The following TRAK1 variants were observed in gnomAD, a reference collection of about 807,000 sequenced individuals.
TRAK1 encodes trafficking kinesin protein 1.
In TRAK1, 33 loss-of-function variants were observed where a neutral mutation model predicts 92.1. The observed-to-expected ratio is 0.36, with a 90% CI of 0.27 to 0.48. TRAK1 has a LOEUF of 0.48. Ranked by LOEUF, TRAK1 falls within the 20% of genes least tolerant of loss-of-function variation. The pLI is 0.99. For synonymous variants in TRAK1, 521 were observed against 517.3 expected (o/e 1.01, Z -0.10); for missense variants, 1,123 against 1,257.9 (o/e 0.89, Z 1.62).
chr3:42,049,968 T>C (rs1702915131), intron 1 of TRAK1, among the ~76,000 whole-genome samples: 1 of 152,150 alleles, frequency 6.6e-6, no homozygotes, highest in Non-Finnish European at 1.5e-5. Flanking sequence ...TTGTCCTCAT[T>C]TGAGGGAGCT....
At chr3:42,205,440 C>G (rs1010377619) in intron 13 of TRAK1, among the ~76,000 whole-genome samples, 1 of 152,142 alleles carries the variant, frequency 6.6e-6, no homozygotes, top group Non-Finnish European at 1.5e-5. Context: ...TTGCCATCTG[C>G]TTATTGTGAA....
At chr3:42,197,029 C>T (rs550750329) in intron 10 of TRAK1, among the ~76,000 whole-genome samples, 1 of 147,492 alleles carries the variant, frequency 6.8e-6, no homozygotes, top group East Asian at 1.9e-4. Flanking sequence ...CACACACACA[C>T]ACACACACAC....
chr3:42,194,731 C>T, intron 9 of TRAK1, 73 bp from the exon 10 acceptor site: 1 of 1,554,582 alleles, frequency 6.4e-7, no homozygotes, highest in Non-Finnish European at 8.7e-7. Context: ...TCTTTCTGGC[C>T]TTCGGATGGG....
rs965143954 is a variant in TRAK1, at chr3:42,212,066, C to G, written c.1963+2081C>G. On this transcript the variant is annotated intron_variant, in intron 14 of 15. Transcript: ENST00000327628. The stretch of plus-strand genomic sequence containing the variant: ...GAACAATGAATTGGCTCTATTTTCT[C>G]TATTGGGAATTACAGGACCATTTTG... 3.0e-6 allele frequency: 3 copies of G among 985,256 alleles called. No individual in the cohort carries two copies. In the East Asian group the frequency reaches 3.4e-4, roughly 112 times the overall value. 61.0% of individuals were successfully genotyped at this position (985,256 alleles called of 1,614,324 possible).
chr3:42,135,781 G>T (rs1254615217), intron 2 of TRAK1, among the ~76,000 whole-genome samples: 1 of 152,150 alleles, frequency 6.6e-6, no homozygotes, highest in African/African-American at 2.4e-5. Flanking sequence ...TCATCTGTCA[G>T]TGCTCTGGCT....
intron 7 of TRAK1, among the ~76,000 whole-genome samples, chr3:42,192,434 T>A (rs1247257789): frequency 2.6e-5 from 4 of 152,216 alleles, no homozygotes; most frequent in Non-Finnish European, 4.4e-5. Flanking sequence ...TATTTTGCAT[T>A]TCGTCAAAGT....
chr3:42,207,373 T>C (rs2149493383), intron 13 of TRAK1, among the ~76,000 whole-genome samples: 1 of 152,220 alleles, frequency 6.6e-6, no homozygotes, highest in East Asian at 1.9e-4. Context: ...CATCTGGAAA[T>C]TCTGCTGCTG....
At chr3:42,130,502 G>A (rs908493565) in intron 2 of TRAK1, among the ~76,000 whole-genome samples, 4 of 152,182 alleles carry the variant, frequency 2.6e-5, no homozygotes, top group Non-Finnish European at 5.9e-5. Flanking sequence ...TATTTACTGA[G>A]TGACTGGTAT....
intron 1 of TRAK1, among the ~76,000 whole-genome samples, chr3:42,073,420 T>C (rs1704020813): frequency 6.6e-6 from 1 of 152,232 alleles, no homozygotes; most frequent in African/African-American, 2.4e-5. Context: ...TGATCAGAAA[T>C]GCTTCCCAGT....
At chr3:42,106,154 A>G (rs910484095) in intron 1 of TRAK1, among the ~76,000 whole-genome samples, 3 of 152,244 alleles carry the variant, frequency 2.0e-5, no homozygotes, top group African/African-American at 4.8e-5. Context: ...GACAGGATCA[A>G]ATTCACACAT....
chr3:42,127,470 A>C (rs937734984), intron 2 of TRAK1, among the ~76,000 whole-genome samples: 1 of 149,992 alleles, frequency 6.7e-6, no homozygotes, highest in Non-Finnish European at 1.5e-5. Context: ...CTCCCACCTT[A>C]GCTTCCTGAG....
chr3:42,053,000 G>T lies in TRAK1; in HGVS notation c.-518-34104G>T, dbSNP rs1703041820. On this transcript the variant is annotated intron_variant, in intron 1 of 16. Transcript: ENST00000487159. ...AGGGGAAAGACAGGGGGAGCTGACT[G>T]ACTGGGCTACTCCATTGCCATTTAG... 2.6e-5 allele frequency among the ~76,000 whole-genome samples: 4 copies of T among 152,300 alleles called. No homozygotes were observed. In the South Asian group the frequency reaches 6.2e-4, roughly 24 times the overall value.
chr3:42,097,997 G>T (rs752160063), intron 1 of TRAK1, among the ~76,000 whole-genome samples: 16 of 152,130 alleles, frequency 1.1e-4, no homozygotes, highest in Middle Eastern at 6.8e-3. Flanking sequence ...GGACCTTTAA[G>T]TTTTCCTTTC....
chr3:42,054,981 C>A (rs550440110), intron 1 of TRAK1, among the ~76,000 whole-genome samples: 1 of 122,544 alleles, frequency 8.2e-6, no homozygotes, highest in Non-Finnish European at 1.6e-5. Context: ...AATACAGTGG[C>A]GCGATCTGGC....
Position 42,225,724 on chromosome 3 carries a change from A to G in TRAK1, c.*1987A>G, listed in dbSNP as rs1171385940. ...TTGTAATGCATCAAAAATCAACACAATTTTATTCACTAATGAGTATCAATA... is the reference window on the plus strand; with the variant it reads ...TTGTAATGCATCAAAAATCAACACAGTTTTATTCACTAATGAGTATCAATA... On this transcript the variant is annotated 3_prime_UTR_variant, in exon 16 of 16. Coordinates refer to ENST00000327628, the MANE Select transcript of TRAK1 (RefSeq NM_001042646.3). The G allele has an allele frequency of 3.3e-5, 5 of 152,240 alleles. No individual in the cohort carries two copies. The highest frequency in any genetic ancestry group is 2.9e-5 in the Non-Finnish European group (2 of 68,034). The allele number at this position is 152,240 out of a possible 1,614,324, so 9.4% of individuals were successfully genotyped here. A position where few individuals can be genotyped will look rare whatever the true frequency, so the allele number is the denominator to read the frequency against.
rs1476815325 is a variant in TRAK1 at position 42,104,960 on chromosome 3, T to C, written c.91+13400T>C. Among the ~76,000 whole-genome samples, 11 of 151,814 alleles carry C rather than the reference T, an allele frequency of 7.2e-5. No individual in the cohort carries two copies. In the East Asian group the frequency reaches 1.9e-3, roughly 27 times the overall value. On this transcript the variant is annotated intron_variant, in intron 1 of 15. Transcript: ENST00000327628. ...AAGAAGCTAAAAATCTTTTTTTTTT[T>C]TTTTTTTTGAGACAGAGTTTCGCTT...
At chr3:42,053,712 A>T (rs1703081286) in intron 1 of TRAK1, among the ~76,000 whole-genome samples, 1 of 152,060 alleles carries the variant, frequency 6.6e-6, no homozygotes, top group Non-Finnish European at 1.5e-5. Flanking sequence ...AGTAGGCCTG[A>T]ACTGCCCGGG....
At chr3:42,094,761 A>G (rs1171955639) in intron 1 of TRAK1, among the ~76,000 whole-genome samples, 1 of 152,252 alleles carries the variant, frequency 6.6e-6, no homozygotes, top group Non-Finnish European at 1.5e-5. Context: ...CAATAGGAGA[A>G]ACATATATCG....
chr3:42,142,430 G>A (rs763734180), intron 2 of TRAK1, among the ~76,000 whole-genome samples: 5 of 152,202 alleles, frequency 3.3e-5, no homozygotes, highest in Admixed American at 2.0e-4. Flanking sequence ...TGGGGCCCCA[G>A]TGTGGGCAGT....
Sources: gnomAD v4.1 joint callset for allele counts (sites outside exome capture counted in the v4.1 genomes callset) on GRCh38, gnomAD v4.1.1 for gene constraint, MANE v1.5 for transcripts, NCBI Gene and HGNC (gene_info 2026-07-23, HGNC 2026-07-21) for gene names.